The following KLF12 variants were observed in gnomAD, a reference collection of about 807,000 sequenced individuals.
KLF12 encodes KLF transcription factor 12.
KLF12 carries 9 observed loss-of-function variants against 37.8 expected under a neutral mutation model. That is an observed-to-expected ratio of 0.24 (90% CI 0.14 to 0.42). KLF12 has a LOEUF of 0.42. Ranked by LOEUF, KLF12 falls within the 10% of genes least tolerant of loss-of-function variation. The pLI is 1.00. For synonymous variants in KLF12, 208 were observed against 202.1 expected (o/e 1.03, Z -0.25); for missense variants, 411 against 516.0 (o/e 0.80, Z 1.97).
chr13:73,910,806 T>G (rs1459508457), intron 3 of KLF12, among the ~76,000 whole-genome samples: 1 of 152,220 alleles, frequency 6.6e-6, no homozygotes, highest in Non-Finnish European at 1.5e-5. Flanking sequence ...TGAAGTGGAA[T>G]GGGTTAATCC....
At chr13:74,225,969 G>A in the KLF12 span, among the ~76,000 whole-genome samples, 1 of 152,066 alleles carries the variant, frequency 6.6e-6, no homozygotes, top group Non-Finnish European at 1.5e-5. Context: ...GGGGAAATGT[G>A]GAATTGCTGC....
chr13:74,070,514 A>G (rs544003485), intron 1 of KLF12, among the ~76,000 whole-genome samples: 1 of 152,292 alleles, frequency 6.6e-6, no homozygotes, highest in African/African-American at 2.4e-5. Context: ...TGTTTTTTCA[A>G]GATACAACTT....
intron 1 of KLF12, among the ~76,000 whole-genome samples, chr13:74,034,629 G>C (rs1593846056): frequency 6.6e-6 from 1 of 152,148 alleles, no homozygotes; most frequent in Non-Finnish European, 1.5e-5. Flanking sequence ...CTCTATTCCA[G>C]ATTTACAAAG....
At chr13:74,045,239 T>C (rs1893510966) in intron 1 of KLF12, among the ~76,000 whole-genome samples, 1 of 152,178 alleles carries the variant, frequency 6.6e-6, no homozygotes, top group Admixed American at 6.5e-5. Flanking sequence ...AATGTCAGTA[T>C]GGAGATGATA....
chr13:74,278,994 A>G, the KLF12 span, among the ~76,000 whole-genome samples: 1 of 152,162 alleles, frequency 6.6e-6, no homozygotes, highest in Non-Finnish European at 1.5e-5. Context: ...AAGAGGTAAT[A>G]CATCTTTTCC....
the KLF12 span, among the ~76,000 whole-genome samples, chr13:74,303,336 A>T: frequency 6.6e-6 from 1 of 152,036 alleles, no homozygotes. Context: ...TGTCTTTCCT[A>T]TTCCCATATG....
the KLF12 span, among the ~76,000 whole-genome samples, chr13:74,295,723 GAT>G: frequency 6.6e-6 from 1 of 152,110 alleles, no homozygotes. Context: ...TTCTAGAAAT[GAT>G]ATATAGAGAA....
At chr13:73,780,585 TTC>T in intron 5 of KLF12, among the ~76,000 whole-genome samples, 1 of 152,240 alleles carries the variant, frequency 6.6e-6, no homozygotes, top group Middle Eastern at 3.4e-3. Flanking sequence ...GTTCAAGCGA[TTC>T]TCCTGCCTCA....
chr13:74,294,423 C>G, the KLF12 span, among the ~76,000 whole-genome samples: 1 of 152,144 alleles, frequency 6.6e-6, no homozygotes, highest in Admixed American at 6.5e-5. Flanking sequence ...GGCTGGAGTG[C>G]GGTGGTGCGA....
intron 1 of KLF12, among the ~76,000 whole-genome samples, chr13:74,108,250 C>T (rs1876766484): frequency 6.6e-6 from 1 of 151,934 alleles, no homozygotes; most frequent in Non-Finnish European, 1.5e-5. Flanking sequence ...ATATATCATT[C>T]TTGTTTACTT....
At chr13:73,755,715 C>T (rs2138009014) in intron 6 of KLF12, among the ~76,000 whole-genome samples, 1 of 151,906 alleles carries the variant, frequency 6.6e-6, no homozygotes, top group African/African-American at 2.4e-5. Context: ...TTGGTGCACC[C>T]ATCACCTGAG....
chr13:74,091,935 T>A (rs1019490092), intron 1 of KLF12, among the ~76,000 whole-genome samples: 2 of 151,786 alleles, frequency 1.3e-5, no homozygotes, highest in African/African-American at 4.8e-5. Context: ...GTGTGACACT[T>A]TTTTGCCTTC....
At chr13:74,261,596 G>A in the KLF12 span, among the ~76,000 whole-genome samples, 6,279 of 152,160 alleles carry the variant, frequency 0.041, 136 homozygotes, top group Middle Eastern at 0.071. Context: ...AACATATAAA[G>A]ACTGTATATA....
At chr13:73,952,008 AAGCTTGTTGTTGACAGATGGGATG>A (rs1890665391) in intron 2 of KLF12, among the ~76,000 whole-genome samples, 1 of 152,260 alleles carries the variant, frequency 6.6e-6, no homozygotes, top group Non-Finnish European at 1.5e-5. Context: ...TCTAGGAGAT[AAGCTTGTTGTTGACAGATGGGATG>A]AGCATAGGCA....
chr13:74,271,766 T>G, the KLF12 span, among the ~76,000 whole-genome samples: 18 of 152,166 alleles, frequency 1.2e-4, no homozygotes, highest in Non-Finnish European at 2.2e-4. Flanking sequence ...AAGTCAGGTA[T>G]GGTATACACA....
At chr13:74,206,270 A>G in the KLF12 span, among the ~76,000 whole-genome samples, 1 of 152,184 alleles carries the variant, frequency 6.6e-6, no homozygotes, top group Non-Finnish European at 1.5e-5. Context: ...AACTATAATC[A>G]TTGAATTTCT....
chr13:74,227,842 C>A, the KLF12 span, among the ~76,000 whole-genome samples: 6 of 152,104 alleles, frequency 3.9e-5, no homozygotes, highest in African/African-American at 1.4e-4. Context: ...CATAGTCCAA[C>A]CAAATGAGGT....
At chr13:73,698,625 C>T (rs549774744) in intron 7 of KLF12, among the ~76,000 whole-genome samples, 10 of 152,240 alleles carry the variant, frequency 6.6e-5, no homozygotes, top group African/African-American at 1.4e-4. Context: ...ACATTATATA[C>T]GATTTAAATT....
At chr13:73,818,291 G>A (rs1350645292) in intron 4 of KLF12, among the ~76,000 whole-genome samples, 5 of 152,214 alleles carry the variant, frequency 3.3e-5, no homozygotes, top group South Asian at 2.1e-4. Context: ...GATTACAGGC[G>A]ACAGCCACTG....
Sources: gnomAD v4.1 joint callset for allele counts (sites outside exome capture counted in the v4.1 genomes callset) on GRCh38, gnomAD v4.1.1 for gene constraint, MANE v1.5 for transcripts, NCBI Gene and HGNC (gene_info 2026-07-23, HGNC 2026-07-21) for gene names.